GALNT3: variants seen among roughly 807,000 people sequenced by gnomAD.
GALNT3 encodes the protein GalNAc transferase 3.
Under a neutral mutation model 69.8 loss-of-function variants are expected in GALNT3, and 51 were observed. The observed-to-expected ratio is 0.73, with a 90% CI of 0.58 to 0.92. The LOEUF is 0.92. GALNT3 is among the 40% of genes least tolerant of loss of function. The pLI, the probability that GALNT3 is intolerant of heterozygous loss-of-function variation, is 0.00. For missense variants in GALNT3, 711 were observed against 760.0 expected (o/e 0.94, Z 0.76); for synonymous variants, 265 against 248.5 (o/e 1.07, Z -0.63).
rs754036933 is a variant in GALNT3 at position 165,749,420 on chromosome 2, GA to G, written c.1779+321del. 1.3e-4 allele frequency among the ~76,000 whole-genome samples: 20 copies of G among 151,754 alleles called. No homozygotes were observed. The East Asian group carries it at 1.7e-3, about 13-fold the overall frequency. Reference sequence around the variant, plus strand: ...ATAATAATTTTTCTTCTCTCTGACAGAAAAAAAATATGACTGTTGCTAAAAG... The same window carrying G: ...ATAATAATTTTTCTTCTCTCTGACAGAAAAAAATATGACTGTTGCTAAAAG... On this transcript the variant is annotated intron_variant, in intron 10 of 10. Coordinates refer to ENST00000392701, the MANE Select transcript of GALNT3 (RefSeq NM_004482.4).
intron 4 of GALNT3, 145 bp downstream of exon 4, chr2:165,761,744 AGCTGTTACCTGCTTGG>A (rs1216630637): frequency 1.3e-6 from 1 of 780,070 alleles, no homozygotes; most frequent in Non-Finnish European, 2.3e-6. Flanking sequence ...TTCTCCACAG[AGCTGTTACCTGCTTGG>A]GCTGTCATTG....
intron 10 of GALNT3, 127 bp downstream of exon 10, chr2:165,749,612 TAAC>T: frequency 1.2e-6 from 1 of 861,630 alleles, no homozygotes; most frequent in South Asian, 1.4e-5. Context: ...AAACACATAA[TAAC>T]AAAGTTAATA....
rs1385776637 is a variant in GALNT3 at position 165,748,617 on chromosome 2, A to C, written c.*164T>G. ...ATTGTGCTTTGAAACAGAAACTTGC[A>C]GAATTTCTGTAGTAGTGCTACATAA... On this transcript the variant is annotated 3_prime_UTR_variant, in exon 11 of 11. Transcript: ENST00000392701. The C allele has an allele frequency of 1.9e-5, 12 of 638,372 alleles. No individual in the cohort carries two copies. Among genetic ancestry groups the C allele is most frequent in the Non-Finnish European group, 3.2e-5 (12 of 372,218 alleles). 39.5% of individuals were successfully genotyped at this position (638,372 alleles called of 1,614,324 possible).
chr2:165,755,152 G>T, intron 7 of GALNT3, 89 bp from the exon 8 acceptor site: 3 of 1,248,780 alleles, frequency 2.4e-6, no homozygotes, highest in Non-Finnish European at 3.5e-6. Context: ...TTCTATTTAG[G>T]TATTTTTAAA....
intron 1 of GALNT3, chr2:165,771,477 G>T (rs930411671): frequency 6.6e-6 from 1 of 152,154 alleles, no homozygotes; most frequent in Admixed American, 6.5e-5. Context: ...AGTAAAAAGA[G>T]AATTCATTAG....
chr2:165,766,230 G>T (rs1253349490), intron 2 of GALNT3, among the ~76,000 whole-genome samples: 9 of 152,128 alleles, frequency 5.9e-5, no homozygotes, highest in Admixed American at 5.2e-4. Flanking sequence ...TAGAAATAAA[G>T]ATCTAAATAA....
chr2:165,758,950 A>C, intron 5 of GALNT3, 86 bp from the exon 6 acceptor site: 1 of 864,658 alleles, frequency 1.2e-6, no homozygotes, highest in Non-Finnish European at 2.0e-6. Context: ...TAAAAAATTA[A>C]AGCCATATCA....
At chr2:165,765,223 C>T (rs568409944) in intron 2 of GALNT3, among the ~76,000 whole-genome samples, 167 bp from the exon 3 acceptor site, 1 of 152,050 alleles carries the variant, frequency 6.6e-6, no homozygotes, top group Non-Finnish European at 1.5e-5. Context: ...TAAATCAAAA[C>T]AATTTTTTTA....
chr2:165,758,883 T>C lies in GALNT3; in HGVS notation c.1074-19A>G, dbSNP rs1688493394. On this transcript the variant is annotated intron_variant, in intron 5 of 10. Coordinates refer to ENST00000392701, the MANE Select transcript of GALNT3 (RefSeq NM_004482.4). ...GGGTGTTCTGAAAAATAATCCATTG[T>C]CAAATTTTGTTATAAAAACTAAACA... 7.0e-7 allele frequency: 1 copy of C among 1,436,840 alleles called. No homozygotes were observed. Among genetic ancestry groups the C allele is most frequent in the Non-Finnish European group, 9.8e-7 (1 of 1,018,850 alleles). The allele number at this position is 1,436,840 out of a possible 1,614,324, so 89.0% of individuals were successfully genotyped here.
intron 2 of GALNT3, among the ~76,000 whole-genome samples, chr2:165,769,683 T>G (rs995803892): frequency 1.2e-4 from 19 of 152,050 alleles, no homozygotes; most frequent in African/African-American, 4.6e-4. Flanking sequence ...TTCTGAAATA[T>G]AATTAGGTAC....
intron 4 of GALNT3, chr2:165,761,625 A>C (rs998573926): frequency 1.6e-6 from 1 of 636,364 alleles, no homozygotes; most frequent in Non-Finnish European, 2.8e-6. Flanking sequence ...TGGAAAAAAA[A>C]AAAAGAGGCA....
At chr2:165,774,569 T>C (rs1688812024) in intron 1 of GALNT3, among the ~76,000 whole-genome samples, 1 of 152,166 alleles carries the variant, frequency 6.6e-6, no homozygotes, top group Non-Finnish European at 1.5e-5. Context: ...CCTATCATTG[T>C]GAGTGCATGT....
intron 1 of GALNT3, among the ~76,000 whole-genome samples, chr2:165,782,845 C>T (rs1170945668): frequency 6.6e-6 from 1 of 152,136 alleles, no homozygotes; most frequent in African/African-American, 2.4e-5. Flanking sequence ...GAGTGAGATG[C>T]TGTGACTCTT....
intron 9 of GALNT3, among the ~76,000 whole-genome samples, chr2:165,750,623 C>T (rs1349534658): frequency 6.6e-6 from 1 of 152,156 alleles, no homozygotes; most frequent in Non-Finnish European, 1.5e-5. Flanking sequence ...TATCATCCAG[C>T]AATCCAATCT....
chr2:165,772,247 G>A (rs561562759), intron 1 of GALNT3, among the ~76,000 whole-genome samples: 1 of 152,192 alleles, frequency 6.6e-6, no homozygotes, highest in African/African-American at 2.4e-5. Context: ...GAAGCCAGAG[G>A]ACAGTCACAA....
chr2:165,791,269 G>A (rs1392643098), intron 1 of GALNT3, among the ~76,000 whole-genome samples: 1 of 151,934 alleles, frequency 6.6e-6, no homozygotes, highest in African/African-American at 2.4e-5. Flanking sequence ...GTGTGTGTGT[G>A]TGTGTGTGTG....
At position 165,780,190 on chromosome 2, in the gene GALNT3, T is replaced by C. The variant is rs146088208; in HGVS notation, c.-108-9382A>G. On this transcript the variant is annotated intron_variant, in intron 1 of 10. Coordinates refer to ENST00000392701, the MANE Select transcript of GALNT3 (RefSeq NM_004482.4). Reference sequence around the variant, plus strand: ...CTGTTTATGGGCCCACTGAGACAGCTGGAGAGATAGGCTGACTGACATGCA... The same window carrying C: ...CTGTTTATGGGCCCACTGAGACAGCCGGAGAGATAGGCTGACTGACATGCA... 3.9e-3 allele frequency among the ~76,000 whole-genome samples: 589 copies of C among 152,020 alleles called. 7 individuals are homozygous for C. The highest frequency in any genetic ancestry group is 0.013 in the African/African-American group (535 of 41,478).
At chr2:165,786,353 C>A (rs1683219899) in intron 1 of GALNT3, among the ~76,000 whole-genome samples, 1 of 152,122 alleles carries the variant, frequency 6.6e-6, no homozygotes, top group South Asian at 2.1e-4. Flanking sequence ...CTTTTAATAA[C>A]CCTATTTTAC....
chr2:165,761,747 T>A, intron 4 of GALNT3, 158 bp downstream of exon 4: 1 of 789,708 alleles, frequency 1.3e-6, no homozygotes, highest in Non-Finnish European at 2.3e-6. Flanking sequence ...TCCACAGAGC[T>A]GTTACCTGCT....
Sources: allele counts gnomAD v4.1 joint callset (sites outside exome capture counted in the v4.1 genomes callset), GRCh38; gene constraint gnomAD v4.1.1; transcripts MANE v1.5; gene names NCBI Gene and HGNC (gene_info 2026-07-23, HGNC 2026-07-21).